Variants in CNTNAP2 observed in about 807,000 individuals in gnomAD.
CNTNAP2 encodes the protein contactin-associated protein-like 2.
A neutral mutation model predicts 155.2 loss-of-function variants in CNTNAP2; 98 were observed. The observed-to-expected ratio is 0.63, with a 90% confidence interval of 0.54 to 0.75. CNTNAP2 has a LOEUF of 0.75. Ranked by LOEUF, CNTNAP2 falls within the 30% of genes least tolerant of loss-of-function variation. The pLI is 0.00. For synonymous variants in CNTNAP2, 651 were observed against 631.2 expected (o/e 1.03, Z -0.47); for missense variants, 1,727 against 1,688.1 (o/e 1.02, Z -0.40).
At chr7:146,697,533 T>G (rs2129172616) in intron 1 of CNTNAP2, among the ~76,000 whole-genome samples, 1 of 152,288 alleles carries the variant, frequency 6.6e-6, no homozygotes, top group African/African-American at 2.4e-5. Flanking sequence ...GCCACCACGC[T>G]TGGCCCTTAT....
chr7:148,052,339 T>A (rs1585098762), intron 15 of CNTNAP2, among the ~76,000 whole-genome samples: 1 of 119,604 alleles, frequency 8.4e-6, no homozygotes, highest in Non-Finnish European at 1.8e-5. Context: ...CAACAAAAAG[T>A]AAAAGATGAA....
At chr7:147,043,816 G>T in intron 3 of CNTNAP2, 91 bp from the exon 4 acceptor site, 2 of 1,457,752 alleles carry the variant, frequency 1.4e-6, no homozygotes, top group South Asian at 1.2e-5. Context: ...CCCTACCATT[G>T]GATGACATTT....
intron 1 of CNTNAP2, among the ~76,000 whole-genome samples, chr7:146,135,485 A>T (rs1306215355): frequency 6.6e-6 from 1 of 152,128 alleles, no homozygotes. Flanking sequence ...TGAGTCTGAG[A>T]ATGGAGAAGC....
chr7:146,168,018 C>T (rs1218298283), intron 1 of CNTNAP2, among the ~76,000 whole-genome samples: 1 of 151,878 alleles, frequency 6.6e-6, no homozygotes, highest in Non-Finnish European at 1.5e-5. Context: ...AGGAAGAATG[C>T]AGTATGGGGA....
At chr7:147,424,584 C>T (rs979821459) in intron 10 of CNTNAP2, among the ~76,000 whole-genome samples, 2 of 152,106 alleles carry the variant, frequency 1.3e-5, no homozygotes, top group Non-Finnish European at 2.9e-5. Context: ...TGCTTCCTGT[C>T]TACACCTACT....
chr7:147,761,794 T>A (rs1386281254), intron 13 of CNTNAP2, among the ~76,000 whole-genome samples: 5 of 152,218 alleles, frequency 3.3e-5, no homozygotes, highest in Non-Finnish European at 7.3e-5. Context: ...TATACAGTTC[T>A]ACTCACAGAT....
chr7:146,382,513 A>G (rs1303202490), intron 1 of CNTNAP2, among the ~76,000 whole-genome samples: 1 of 152,198 alleles, frequency 6.6e-6, no homozygotes, highest in Non-Finnish European at 1.5e-5. Flanking sequence ...ATTAGGCTAC[A>G]CCAAACTTAC....
At chr7:147,204,674 T>G (rs1184161508) in intron 8 of CNTNAP2, among the ~76,000 whole-genome samples, 1 of 152,146 alleles carries the variant, frequency 6.6e-6, no homozygotes, top group Admixed American at 6.6e-5. Context: ...GGTAATGTAA[T>G]GTATCAATAT....
At chr7:146,525,433 C>G (rs186555400) in intron 1 of CNTNAP2, among the ~76,000 whole-genome samples, 46 of 151,948 alleles carry the variant, frequency 3.0e-4, no homozygotes, top group African/African-American at 1.0e-3. Flanking sequence ...AATAGAAATA[C>G]CAAATTGAGA....
intron 10 of CNTNAP2, among the ~76,000 whole-genome samples, chr7:147,446,535 C>G (rs1797743449): frequency 6.6e-6 from 1 of 152,018 alleles, no homozygotes; most frequent in South Asian, 2.1e-4. Context: ...GACCTGAGAC[C>G]CATATCCAAG....
intron 8 of CNTNAP2, among the ~76,000 whole-genome samples, chr7:147,160,941 T>C (rs1802013234): frequency 6.6e-6 from 1 of 152,170 alleles, no homozygotes; most frequent in African/African-American, 2.4e-5. Flanking sequence ...ATTTGGATTA[T>C]TTCCTAAAAG....
chr7:146,630,031 T>A (rs35697067), intron 1 of CNTNAP2, among the ~76,000 whole-genome samples: 8,500 of 152,072 alleles, frequency 0.056, 337 homozygotes, highest in Non-Finnish European at 0.088. Context: ...GTGCAGAATG[T>A]GCAGCTTTGT....
At chr7:147,764,452 G>T (rs778757243) in intron 13 of CNTNAP2, among the ~76,000 whole-genome samples, 1 of 152,074 alleles carries the variant, frequency 6.6e-6, no homozygotes, top group Non-Finnish European at 1.5e-5. Context: ...TATCTTCTCT[G>T]TTATCACCTG....
At chr7:146,424,349 G>T (rs150589712) in intron 1 of CNTNAP2, among the ~76,000 whole-genome samples, 7 of 152,148 alleles carry the variant, frequency 4.6e-5, no homozygotes, top group Non-Finnish European at 7.4e-5. Context: ...AAAGGGAAAA[G>T]CCACATCCAG....
At chr7:147,161,408 A>G (rs539225763) in intron 8 of CNTNAP2, among the ~76,000 whole-genome samples, 1 of 152,128 alleles carries the variant, frequency 6.6e-6, no homozygotes. Flanking sequence ...AGATATGTTT[A>G]TGTGTAATTA....
At chr7:146,405,550 C>T (rs1224311601) in intron 1 of CNTNAP2, among the ~76,000 whole-genome samples, 3 of 152,096 alleles carry the variant, frequency 2.0e-5, no homozygotes, top group Admixed American at 6.6e-5. Flanking sequence ...TAATATTACA[C>T]GTAGGTATTA....
intron 9 of CNTNAP2, among the ~76,000 whole-genome samples, chr7:147,359,175 A>G (rs1584897624): frequency 6.6e-6 from 1 of 152,182 alleles, no homozygotes; most frequent in South Asian, 2.1e-4. Flanking sequence ...TTTGTTCATA[A>G]ACCTGTTCTG....
intron 1 of CNTNAP2, among the ~76,000 whole-genome samples, chr7:146,125,351 C>G (rs1013820564): frequency 1.3e-5 from 2 of 151,824 alleles, no homozygotes; most frequent in African/African-American, 4.8e-5. Context: ...CTGAGACAGG[C>G]GGATCACGAG....
At chr7:147,120,562 C>A (rs1022843798) in intron 5 of CNTNAP2, among the ~76,000 whole-genome samples, 4 of 151,988 alleles carry the variant, frequency 2.6e-5, no homozygotes, top group African/African-American at 9.7e-5. Flanking sequence ...ATAACTTGTA[C>A]GTACTTTGAA....
Sources: gnomAD v4.1 joint callset for allele counts (sites outside exome capture counted in the v4.1 genomes callset) on GRCh38, gnomAD v4.1.1 for gene constraint, MANE v1.5 for transcripts, NCBI Gene and HGNC (gene_info 2026-07-23, HGNC 2026-07-21) for gene names.